Variants in SRBD1 observed in about 807,000 individuals in gnomAD.
SRBD1 encodes the protein S1 RNA binding domain 1.
In SRBD1, 88 loss-of-function variants were observed where a neutral mutation model predicts 115.3. That is an observed-to-expected ratio of 0.76 (90% CI 0.64 to 0.91). SRBD1 has a LOEUF of 0.91. SRBD1 is among the 40% of genes least tolerant of loss of function. SRBD1 has a pLI of 0.00. For missense variants in SRBD1, 1,385 were observed against 1,177.4 expected (o/e 1.18, Z -2.58); for synonymous variants, 509 against 407.7 (o/e 1.25, Z -2.99).
chr2:45,550,922 T>C (rs115521267), intron 12 of SRBD1, among the ~76,000 whole-genome samples: 2,316 of 152,306 alleles, frequency 0.015, 26 homozygotes, highest in Non-Finnish European at 0.026. Context: ...AGCATATAAA[T>C]GATAGTTGTA....
At chr2:45,470,815 G>A (rs1329407729) in intron 16 of SRBD1, among the ~76,000 whole-genome samples, 1 of 152,104 alleles carries the variant, frequency 6.6e-6, no homozygotes, top group African/African-American at 2.4e-5. Flanking sequence ...CACACTGGCT[G>A]CCTCTCTCTC....
chr2:45,576,219 T>C (rs1673172217), intron 7 of SRBD1, among the ~76,000 whole-genome samples: 1 of 152,218 alleles, frequency 6.6e-6, no homozygotes, highest in Non-Finnish European at 1.5e-5. Flanking sequence ...AAACAGTAAA[T>C]ATATTTTTTC....
chr2:45,609,010 T>C (rs1304519249), intron 1 of SRBD1, among the ~76,000 whole-genome samples: 3 of 152,144 alleles, frequency 2.0e-5, no homozygotes, highest in East Asian at 3.9e-4. Flanking sequence ...GTTCGTCACG[T>C]TGGCCAGGCT....
intron 6 of SRBD1, among the ~76,000 whole-genome samples, chr2:45,580,380 C>T (rs1041034899): frequency 1.3e-4 from 20 of 152,026 alleles, no homozygotes; most frequent in African/African-American, 4.8e-4. Context: ...GACTCTCGCT[C>T]TTTCGCCCAG....
rs1674235321 is a variant in SRBD1, at chr2:45,605,400, A to AT, written c.41dup (p.Asp14GlufsTer7). ...AAGAAAATTCATCTTTCAGTACCAC[A>AT]TCCTGGACCTGTACTTTCGCTCTTC... On this transcript the variant is annotated frameshift_variant, in exon 2 of 21. Coordinates refer to ENST00000263736, the MANE Select transcript of SRBD1 (RefSeq NM_018079.5). LOFTEE classifies it high-confidence loss of function. 2 of 1,613,758 alleles carry AT rather than the reference A, an allele frequency of 1.2e-6. No homozygotes were observed. The highest frequency in any genetic ancestry group is 2.7e-5 in the African/African-American group (2 of 74,936).
chr2:45,532,828 A>G (rs1486916245), intron 14 of SRBD1, among the ~76,000 whole-genome samples: 1 of 148,094 alleles, frequency 6.8e-6, no homozygotes, highest in Non-Finnish European at 1.5e-5. Flanking sequence ...AAGATATATA[A>G]AACACAAATA....
At chr2:45,496,695 T>C (rs1207030469) in intron 14 of SRBD1, among the ~76,000 whole-genome samples, 1 of 152,084 alleles carries the variant, frequency 6.6e-6, no homozygotes, top group African/African-American at 2.4e-5. Flanking sequence ...CTCCTCCCTC[T>C]CTCCCTTCTC....
At chr2:45,511,970 T>C (rs1670985096) in intron 14 of SRBD1, among the ~76,000 whole-genome samples, 1 of 152,180 alleles carries the variant, frequency 6.6e-6, no homozygotes, top group South Asian at 2.1e-4. Context: ...CTAGTTGAAA[T>C]ACCCACACAA....
intron 14 of SRBD1, among the ~76,000 whole-genome samples, chr2:45,500,326 CTG>C (rs760220057): frequency 5.3e-5 from 8 of 150,074 alleles, no homozygotes; most frequent in Non-Finnish European, 1.0e-4. Flanking sequence ...TAAATTTATT[CTG>C]TGTGTATGGT....
intron 16 of SRBD1, among the ~76,000 whole-genome samples, chr2:45,466,315 T>C (rs72880665): frequency 0.013 from 2,043 of 152,220 alleles, 48 homozygotes; most frequent in African/African-American, 0.047. Context: ...CTCTCCATTT[T>C]CTTCCTTAGG....
At chr2:45,399,252 G>C (rs1667229613) in intron 19 of SRBD1, among the ~76,000 whole-genome samples, 1 of 152,070 alleles carries the variant, frequency 6.6e-6, no homozygotes. Flanking sequence ...ATTTAGAAAA[G>C]CATACTCAGC....
rs548232851 is a variant in SRBD1, at chr2:45,494,180, A to C, written c.1875-5849T>G. On this transcript the variant is annotated intron_variant, in intron 14 of 20. Coordinates refer to ENST00000263736, the MANE Select transcript of SRBD1 (RefSeq NM_018079.5). ...TGTAAAATATTTATGATAAATTATT[A>C]AGTTAAAACTGGGTAAAGAAAAAGC... Among the ~76,000 whole-genome samples the C allele has an allele frequency of 4.4e-3, 676 of 152,316 alleles. 15 individuals are homozygous for C. The highest frequency in any genetic ancestry group is 5.6e-3 in the Non-Finnish European group (384 of 68,016).
At chr2:45,517,828 G>GCTATGCAGA (rs1245589468) in intron 14 of SRBD1, among the ~76,000 whole-genome samples, 1 of 151,514 alleles carries the variant, frequency 6.6e-6, no homozygotes, top group African/African-American at 2.4e-5. Flanking sequence ...GATCTTGTCT[G>GCTATGCAGA]TACCAAAAAC....
chr2:45,601,860 G>T (rs140631917), intron 3 of SRBD1, 43 bp downstream of exon 3: 2 of 1,596,978 alleles, frequency 1.3e-6, no homozygotes, highest in Non-Finnish European at 1.7e-6. Context: ...TCACCAATCA[G>T]GAAGACACTA....
chr2:45,518,416 G>A (rs1409993163), intron 14 of SRBD1, among the ~76,000 whole-genome samples: 1 of 152,168 alleles, frequency 6.6e-6, no homozygotes, highest in Non-Finnish European at 1.5e-5. Context: ...TGACAGAACC[G>A]TATTATAATT....
At chr2:45,486,759 T>TAAAATA (rs112515342) in intron 15 of SRBD1, among the ~76,000 whole-genome samples, 89 of 150,052 alleles carry the variant, frequency 5.9e-4, no homozygotes, top group African/African-American at 1.9e-3. Flanking sequence ...TAAAATAAAA[T>TAAAATA]AAATAAATAA....
chr2:45,504,993 C>A (rs548027595), intron 14 of SRBD1, among the ~76,000 whole-genome samples: 6 of 152,026 alleles, frequency 3.9e-5, no homozygotes, highest in Non-Finnish European at 8.8e-5. Context: ...TTTACTTCTA[C>A]AAAGATCAAA....
At chr2:45,559,916 T>C (rs1405547191) in intron 10 of SRBD1, among the ~76,000 whole-genome samples, 3 of 151,830 alleles carry the variant, frequency 2.0e-5, no homozygotes, top group Admixed American at 2.0e-4. Context: ...CCCCTGTCTC[T>C]ACAAGAAAGA....
intron 12 of SRBD1, among the ~76,000 whole-genome samples, chr2:45,549,290 CCA>C (rs1672216458): frequency 1.7e-5 from 2 of 119,668 alleles, no homozygotes; most frequent in South Asian, 2.5e-4. Context: ...ATCTCTCAAT[CCA>C]CACAGAGTTT....
Sources: allele counts gnomAD v4.1 joint callset (sites outside exome capture counted in the v4.1 genomes callset), GRCh38; gene constraint gnomAD v4.1.1; transcripts MANE v1.5; gene names NCBI Gene and HGNC (gene_info 2026-07-23, HGNC 2026-07-21).